Variants in EBF2 observed in about 807,000 individuals in gnomAD.
EBF2 encodes the protein transcription factor COE2.
Under a neutral mutation model 72.8 loss-of-function variants are expected in EBF2, and 21 were observed. The ratio of observed to expected loss-of-function variants is 0.29; its 90% CI spans 0.20 to 0.42. EBF2 has a LOEUF of 0.42. Ranked by LOEUF, EBF2 falls within the 10% of genes least tolerant of loss-of-function variation. EBF2 has a pLI of 1.00. For missense variants in EBF2, 637 were observed against 731.2 expected (o/e 0.87, Z 1.49); for synonymous variants, 299 against 274.2 (o/e 1.09, Z -0.89).
chr8:26,033,019 A>G, intron 6 of EBF2, 66 bp downstream of exon 6: 3 of 1,432,548 alleles, frequency 2.1e-6, no homozygotes, highest in Non-Finnish European at 3.0e-6. Flanking sequence ...ATGGATCAGT[A>G]CTCAGAGTTG....
At chr8:25,989,730 A>G (rs1804515362) in intron 6 of EBF2, among the ~76,000 whole-genome samples, 1 of 152,244 alleles carries the variant, frequency 6.6e-6, no homozygotes, top group East Asian at 1.9e-4. Flanking sequence ...AATAACAGGA[A>G]GATGGGCACA....
intron 6 of EBF2, among the ~76,000 whole-genome samples, chr8:26,014,746 C>T (rs995274115): frequency 1.3e-5 from 2 of 152,192 alleles, no homozygotes; most frequent in African/African-American, 4.8e-5. Flanking sequence ...TCGTGAACTA[C>T]ATAATACTAA....
intron 13 of EBF2, among the ~76,000 whole-genome samples, chr8:25,859,830 C>T (rs1463672570): frequency 3.3e-5 from 5 of 151,812 alleles, no homozygotes; most frequent in Admixed American, 6.6e-5. Context: ...TATCCTCCCA[C>T]CTCAACCTCC....
chr8:25,941,696 G>A (rs1343787304), intron 6 of EBF2, among the ~76,000 whole-genome samples: 1 of 152,108 alleles, frequency 6.6e-6, no homozygotes, highest in African/African-American at 2.4e-5. Flanking sequence ...TGACCAGAAG[G>A]GTTCCTCAGC....
chr8:25,857,586 T>G (rs933371408), intron 14 of EBF2, among the ~76,000 whole-genome samples: 2 of 152,186 alleles, frequency 1.3e-5, no homozygotes, highest in Admixed American at 1.3e-4. Context: ...AAATGCACTC[T>G]CTCAGGCTCC....
intron 5 of EBF2, among the ~76,000 whole-genome samples, chr8:26,035,103 C>A (rs575385750): frequency 2.0e-4 from 30 of 151,508 alleles, no homozygotes; most frequent in Admixed American, 1.8e-3. Flanking sequence ...AGTCATGTGA[C>A]AGCAGGAACC....
chr8:25,945,201 C>T (rs1217447343), intron 6 of EBF2, among the ~76,000 whole-genome samples: 1 of 151,866 alleles, frequency 6.6e-6, no homozygotes, highest in African/African-American at 2.4e-5. Context: ...ACTGCTCCCC[C>T]AATTTTTCAG....
At chr8:25,974,812 T>C (rs946799493) in intron 6 of EBF2, among the ~76,000 whole-genome samples, 12 of 152,136 alleles carry the variant, frequency 7.9e-5, no homozygotes, top group African/African-American at 2.7e-4. Context: ...TGACATCCTG[T>C]GCATTTTGAG....
chr8:25,897,109 A>T (rs899277080), intron 7 of EBF2, among the ~76,000 whole-genome samples: 1 of 152,200 alleles, frequency 6.6e-6, no homozygotes, highest in Non-Finnish European at 1.5e-5. Context: ...AGGAGAACAC[A>T]GAGTTGACTG....
chr8:25,843,571 C>A lies in EBF2; in HGVS notation c.*1038G>T, dbSNP rs533145316. The A allele has an allele frequency of 5.9e-5, 9 of 152,362 alleles. No homozygotes were observed. In the East Asian group the frequency reaches 1.5e-3, roughly 26 times the overall value. 9.4% of individuals were successfully genotyped at this position (152,362 alleles called of 1,614,324 possible). On this transcript the variant is annotated 3_prime_UTR_variant, in exon 16 of 16. Coordinates refer to ENST00000520164, the MANE Select transcript of EBF2 (RefSeq NM_022659.4). ...GGCTCTGCTAGAAGGTGAGGTGCTT[C>A]TTTCCTTGGGATGCTGAAAGCCTGA...
At chr8:25,952,259 T>A (rs993180500) in intron 6 of EBF2, among the ~76,000 whole-genome samples, 1 of 152,210 alleles carries the variant, frequency 6.6e-6, no homozygotes, top group African/African-American at 2.4e-5. Flanking sequence ...TTGGCCACTG[T>A]GCTCCACTCT....
At chr8:25,866,633 ATAT>A (rs149929474) in intron 10 of EBF2, among the ~76,000 whole-genome samples, 19,907 of 89,716 alleles carry the variant, frequency 0.22, 1,369 homozygotes, top group Middle Eastern at 0.34. Context: ...ATATATATAT[ATAT>A]TTTTTTTTTT....
At chr8:25,888,944 T>C (rs1585182950) in intron 8 of EBF2, among the ~76,000 whole-genome samples, 1 of 152,298 alleles carries the variant, frequency 6.6e-6, no homozygotes, top group African/African-American at 2.4e-5. Context: ...GTGCCCACTG[T>C]GGGAGAATTA....
At chr8:25,959,579 G>A in intron 6 of EBF2, among the ~76,000 whole-genome samples, 1 of 152,198 alleles carries the variant, frequency 6.6e-6, no homozygotes. Context: ...TAGTGGGACT[G>A]ATTCTCATTT....
intron 7 of EBF2, 48 bp downstream of exon 7, chr8:25,908,426 G>A: frequency 7.2e-7 from 1 of 1,387,330 alleles, no homozygotes; most frequent in Non-Finnish European, 1.0e-6. Context: ...GAAGGAGAGA[G>A]AAAACAGGAT....
At chr8:26,038,980 G>A (rs1050508469) in intron 5 of EBF2, among the ~76,000 whole-genome samples, 5 of 152,212 alleles carry the variant, frequency 3.3e-5, no homozygotes, top group African/African-American at 7.2e-5. Context: ...TAAAGCAATA[G>A]CCAAGTAAGG....
chr8:25,935,060 A>G (rs1045459163), intron 6 of EBF2, among the ~76,000 whole-genome samples: 4 of 152,182 alleles, frequency 2.6e-5, no homozygotes, highest in Admixed American at 6.5e-5. Flanking sequence ...TCCCAACGCG[A>G]CAACTAGACT....
chr8:26,001,533 G>A (rs533091866), intron 6 of EBF2, among the ~76,000 whole-genome samples: 1 of 152,042 alleles, frequency 6.6e-6, no homozygotes, highest in South Asian at 2.1e-4. Flanking sequence ...TACATATAAA[G>A]GAAAATAAGT....
Position 26,000,464 on chromosome 8 carries a change from A to T in EBF2, c.551+32621T>A, listed in dbSNP as rs6980869. 4.0e-3 allele frequency among the ~76,000 whole-genome samples: 605 copies of T among 152,346 alleles called. 5 individuals are homozygous for T. The highest frequency in any genetic ancestry group is 0.014 in the African/African-American group (574 of 41,584). On this transcript the variant is annotated intron_variant, in intron 6 of 15. Coordinates refer to ENST00000520164, the MANE Select transcript of EBF2 (RefSeq NM_022659.4). ...ATCACCAGTACTGAGGCCATATTGTATGAGAAAAATAAGACAAATTCAATA... is the reference window on the plus strand; with the variant it reads ...ATCACCAGTACTGAGGCCATATTGTTTGAGAAAAATAAGACAAATTCAATA...
Sources: allele counts gnomAD v4.1 joint callset (sites outside exome capture counted in the v4.1 genomes callset), GRCh38; gene constraint gnomAD v4.1.1; transcripts MANE v1.5; gene names NCBI Gene and HGNC (gene_info 2026-07-23, HGNC 2026-07-21).